The following PALD1 variants were observed in gnomAD, a reference collection of about 807,000 sequenced individuals.
PALD1 encodes the protein paladin.
PALD1 carries 57 observed loss-of-function variants against 96.0 expected under a neutral mutation model. That is an observed-to-expected ratio of 0.59 (90% CI 0.48 to 0.74). PALD1 has a LOEUF of 0.74. Ranked by LOEUF, PALD1 falls within the 30% of genes least tolerant of loss-of-function variation. The pLI is 0.00. For missense variants in PALD1, 1,063 were observed against 1,143.7 expected, an observed-to-expected ratio of 0.93 and a Z score of 1.02; for synonymous variants, 464 against 473.6, an observed-to-expected ratio of 0.98 and a Z score of 0.26.
intron 1 of PALD1, among the ~76,000 whole-genome samples, chr10:70,488,087 A>G (rs1454628183): frequency 6.6e-6 from 1 of 151,864 alleles, no homozygotes; most frequent in African/African-American, 2.4e-5. Context: ...GTAGTATTCC[A>G]ATGTGTGGGA....
chr10:70,566,691 G>A lies in PALD1; in HGVS notation c.2529G>A (p.Gln843=). 6.2e-7 allele frequency: 1 copy of A among 1,607,582 alleles called. No homozygotes were observed. The highest frequency in any genetic ancestry group is 8.5e-7 in the Non-Finnish European group (1 of 1,178,338). Residue 843 remains glutamine, a synonymous_variant, in exon 20 of 20, where the codon CAG becomes CAA. Transcript: ENST00000263563. The part of the protein sequence containing the change: ...FSRLRYRWQE[Q]SCSLEPSAPE... ...GGCTGCGCTACCGGTGGCAGGAGCA[G>A]AGCTGCAGCCTCGAGCCCTCTGCCC...
At chr10:70,496,746 C>A (rs923029564) in intron 1 of PALD1, among the ~76,000 whole-genome samples, 1 of 152,150 alleles carries the variant, frequency 6.6e-6, no homozygotes, top group Non-Finnish European at 1.5e-5. Context: ...AACATGAACA[C>A]CCGCTTCTCT....
the PALD1 span, among the ~76,000 whole-genome samples, chr10:70,471,147 C>T: frequency 5.3e-5 from 8 of 152,076 alleles, no homozygotes; most frequent in Admixed American, 1.3e-4. Context: ...TTAGTAGAGA[C>T]GAGGTTTCTC....
chr10:70,523,027 C>G (rs969886187), intron 1 of PALD1, among the ~76,000 whole-genome samples: 8 of 152,218 alleles, frequency 5.3e-5, no homozygotes, highest in African/African-American at 1.7e-4. Flanking sequence ...TGTGACAAGC[C>G]TGGGGTTGCA....
intron 1 of PALD1, among the ~76,000 whole-genome samples, chr10:70,516,347 T>G (rs1482016830): frequency 1.3e-5 from 2 of 152,184 alleles, no homozygotes; most frequent in Non-Finnish European, 2.9e-5. Context: ...TTGGTCAGGC[T>G]GGTCTTGAAT....
chr10:70,533,313 G>A (rs2132375664), intron 7 of PALD1, among the ~76,000 whole-genome samples: 1 of 151,684 alleles, frequency 6.6e-6, no homozygotes, highest in South Asian at 2.1e-4. Context: ...GTGTGTCTGT[G>A]TGTTCCTGTC....
rs531975266 is a variant in PALD1, at chr10:70,505,318, A to G, written c.-29-20605A>G. On this transcript the variant is annotated intron_variant, in intron 1 of 19. Transcript: ENST00000263563. ...TTTTGTGAAAATATCTGCCATGGCC[A>G]GGTGTGGTGGCTCACGCCTATAATC... Among the ~76,000 whole-genome samples, 7 of 152,264 alleles carry G rather than the reference A, an allele frequency of 4.6e-5. No homozygotes were observed. The South Asian group carries it at 1.5e-3, about 32-fold the overall frequency.
At chr10:70,480,791 C>G (rs1845916777) in intron 1 of PALD1, among the ~76,000 whole-genome samples, 1 of 152,208 alleles carries the variant, frequency 6.6e-6, no homozygotes, top group Non-Finnish European at 1.5e-5. Flanking sequence ...CCTGGGTTAC[C>G]CAGGCACCTG....
At chr10:70,503,786 T>C (rs573273736) in intron 1 of PALD1, among the ~76,000 whole-genome samples, 8 of 152,268 alleles carry the variant, frequency 5.3e-5, no homozygotes, top group Admixed American at 1.3e-4. Flanking sequence ...ACTTTAACTT[T>C]TATGTGTTCT....
chr10:70,486,971 A>C (rs187005758), intron 1 of PALD1, among the ~76,000 whole-genome samples: 1 of 151,924 alleles, frequency 6.6e-6, no homozygotes, highest in Non-Finnish European at 1.5e-5. Flanking sequence ...TGAATGCCCA[A>C]AGAGAAGGGC....
chr10:70,505,576 C>T (rs1846370275), intron 1 of PALD1, among the ~76,000 whole-genome samples: 1 of 151,978 alleles, frequency 6.6e-6, no homozygotes, highest in East Asian at 1.9e-4. Flanking sequence ...TGTACTCCAG[C>T]CTGGGCAACA....
chr10:70,517,252 T>C (rs1846638689), intron 1 of PALD1, among the ~76,000 whole-genome samples: 1 of 152,116 alleles, frequency 6.6e-6, no homozygotes, highest in Non-Finnish European at 1.5e-5. Flanking sequence ...GAGGAGAACA[T>C]TGTGGGACAA....
intron 1 of PALD1, among the ~76,000 whole-genome samples, chr10:70,497,836 A>G (rs1448899986): frequency 6.6e-6 from 1 of 152,140 alleles, no homozygotes; most frequent in Non-Finnish European, 1.5e-5. Flanking sequence ...TGGCCTCCCA[A>G]AGTGCTGGGA....
intron 11 of PALD1, 92 bp downstream of exon 11, chr10:70,537,998 C>A: frequency 1.0e-6 from 1 of 997,098 alleles, no homozygotes; most frequent in Non-Finnish European, 1.6e-6. Context: ...GGAGGGAGAC[C>A]CCCCAAGGAA....
Position 70,534,056 on chromosome 10 carries a change from G to T in PALD1, c.1005G>T (p.Gly335=), listed in dbSNP as rs758766329. ...CCCTCATCCTGCTTCACCGCAGTGG[G>T]ACCACCTCCCAGCCAGAGTGAGTGG... The part of the protein sequence containing the change: ...LGTLILLHRS[G]TTSQPEAAPT... The change falls in exon 8 of 20, where the codon GGG becomes GGT. Residue 335 remains glycine (G), a synonymous_variant. Coordinates refer to ENST00000263563, the MANE Select transcript of PALD1 (RefSeq NM_014431.3). 6.9e-6 allele frequency: 11 copies of T among 1,605,826 alleles called. No individual in the cohort carries two copies. Among genetic ancestry groups the T allele is most frequent in the Non-Finnish European group, 9.4e-6 (11 of 1,175,260 alleles).
In PALD1 at chr10:70,529,910, G is replaced by A; in HGVS notation, c.310G>A (p.Asp104Asn). ...CCAGGGCCGCTACTTCCTGGTGCGGGATGTCACTGAGAAGATGGATGTGCT... is the reference window on the plus strand; with the variant it reads ...CCAGGGCCGCTACTTCCTGGTGCGGAATGTCACTGAGAAGATGGATGTGCT... Reference protein sequence around the residue: ...LVQGRYFLVRDVTEKMDVLGT... With the variant: ...LVQGRYFLVRNVTEKMDVLGT... The change falls in exon 4 of 20, where the codon GAT (aspartate) becomes AAT (asparagine). Residue 104 changes from aspartate to asparagine, a missense_variant. Coordinates refer to ENST00000263563, the MANE Select transcript of PALD1 (RefSeq NM_014431.3). 1.2e-6 allele frequency: 2 copies of A among 1,613,964 alleles called. No individual in the cohort carries two copies. Among genetic ancestry groups the A allele is most frequent in the East Asian group, 2.2e-5 (1 of 44,842 alleles).
At chr10:70,472,644 G>C in the PALD1 span, among the ~76,000 whole-genome samples, 1 of 152,164 alleles carries the variant, frequency 6.6e-6, no homozygotes, top group Admixed American at 6.5e-5. Flanking sequence ...TCCTGCTGCT[G>C]CAGGGTTTGG....
At chr10:70,462,499 T>C in the PALD1 span, among the ~76,000 whole-genome samples, 4 of 152,252 alleles carry the variant, frequency 2.6e-5, no homozygotes, top group African/African-American at 9.6e-5. Context: ...ATTGAACAAT[T>C]CTTTACCCCC....
rs560335690 is a variant in PALD1, at chr10:70,540,122, GGTGT to G, written c.1908+369_1908+372del. 6.6e-6 allele frequency among the ~76,000 whole-genome samples: 1 copy of G among 151,472 alleles called. No homozygotes were observed. The highest frequency in any genetic ancestry group is 1.5e-5 in the Non-Finnish European group (1 of 67,806). On this transcript the variant is annotated intron_variant, in intron 15 of 19. Coordinates refer to ENST00000263563, the MANE Select transcript of PALD1 (RefSeq NM_014431.3). The surrounding 1 kb of genome is among the most constrained non-coding windows in gnomAD (Gnocchi z 4.2). ...TATTGTGTTATGGGTGTGTGTTATA[GGTGT>G]GTGTGTGTTATCGGGGTGTGTGTGT...
Sources: allele counts gnomAD v4.1 joint callset (sites outside exome capture counted in the v4.1 genomes callset), GRCh38; gene constraint gnomAD v4.1.1; non-coding constraint Gnocchi (gnomAD v3.1); transcripts MANE v1.5; gene names NCBI Gene and HGNC (gene_info 2026-07-23, HGNC 2026-07-21).